TUBA3E: variants seen among roughly 807,000 people sequenced by gnomAD.
The protein encoded by TUBA3E is tubulin alpha 3e.
A neutral mutation model predicts 36.7 loss-of-function variants in TUBA3E; 21 were observed. The ratio of observed to expected loss-of-function variants is 0.57; its 90% CI spans 0.41 to 0.83. TUBA3E has a LOEUF of 0.83. Among genes scored for constraint, TUBA3E ranks in the 40% least tolerant of loss-of-function variants. The pLI is 0.00. For synonymous variants in TUBA3E, 177 were observed against 241.9 expected (o/e 0.73, Z 2.49); for missense variants, 469 against 604.2 (o/e 0.78, Z 2.35).
In TUBA3E at chr2:130,191,859, G is replaced by T; in HGVS notation, c.1325C>A (p.Ala442Asp). 1 of 1,611,418 alleles carries T rather than the reference G, an allele frequency of 6.2e-7. No homozygotes were observed. The highest frequency in any genetic ancestry group is 8.5e-7 in the Non-Finnish European group (1 of 1,178,744). The change falls in exon 5 of 5, where the codon GCT (alanine) becomes GAT (aspartate). Residue 442 changes from alanine (A) to aspartate (D), a missense_variant. By Grantham distance (126) the Ala-to-Asp change is moderately radical. Around this residue, in one of 3 missense-constraint regions of TUBA3E, gnomAD observed 296 missense variants for 346.9 expected, o/e 0.85. Transcript: ENST00000312988. ...GTATGCTTCGCCTTCTTCAGCCTCA[G>T]CTTCCACGGAATCCACGCCCACCTC... is the stretch of plus-strand genomic sequence containing the variant. ...CEEVGVDSVE[A>D]EAEEGEAY
At chr2:130,197,817 G>A (rs1240738757) in intron 1 of TUBA3E, among the ~76,000 whole-genome samples, 1 of 124,026 alleles carries the variant, frequency 8.1e-6, no homozygotes. Context: ...CATGTTGGTC[G>A]GGCTGATCTT....
At chr2:130,198,275 G>C in intron 1 of TUBA3E, 83 bp downstream of exon 1, 1 of 1,319,718 alleles carries the variant, frequency 7.6e-7, no homozygotes, top group South Asian at 1.4e-5. Context: ...CAGCGCCCAG[G>C]CCCGCAACAA....
Position 130,194,480 on chromosome 2 carries a change from G to T in TUBA3E, c.376-14C>A, listed in dbSNP as rs2463340. 9.7e-6 allele frequency: 14 copies of T among 1,443,302 alleles called. No homozygotes were observed. Among genetic ancestry groups the T allele is most frequent in the Non-Finnish European group, 1.3e-5 (14 of 1,069,312 alleles). The allele number at this position is 1,443,302 out of a possible 1,614,324, so 89.4% of individuals were successfully genotyped here. ...GCACAGATCCGCCTGAGAGAAACCA[G>T]ACAACGTGAGCCAATGCCCGTGGAA... On this transcript the variant is annotated splice_polypyrimidine_tract_variant and intron_variant, in intron 3 of 4. Coordinates refer to ENST00000312988, the MANE Select transcript of TUBA3E (RefSeq NM_207312.3).
Position 130,195,334 on chromosome 2 carries a change from A to G in TUBA3E, c.227-107T>C, listed in dbSNP as rs1690378673. On this transcript the variant is annotated intron_variant, in intron 2 of 4. Transcript: ENST00000312988. ...ACAGAGCACATGCTGTTCAAAGTAC[A>G]TGACCTACATGTCATAGGTCAACAG... 11 of 1,465,976 alleles carry G rather than the reference A, an allele frequency of 7.5e-6. No homozygotes were observed. In the South Asian group the frequency reaches 1.3e-4, roughly 17 times the overall value. 90.8% of individuals were successfully genotyped at this position (1,465,976 alleles called of 1,614,324 possible).
intron 4 of TUBA3E, among the ~76,000 whole-genome samples, chr2:130,192,439 T>G (rs1298560729): frequency 2.0e-5 from 3 of 152,210 alleles, no homozygotes; most frequent in Admixed American, 2.0e-4. Flanking sequence ...GCTGCTTGTC[T>G]TCTTTGTAGA....
chr2:130,193,429 C>T (rs564027213), intron 4 of TUBA3E, among the ~76,000 whole-genome samples: 2 of 150,602 alleles, frequency 1.3e-5, no homozygotes, highest in Non-Finnish European at 3.0e-5. Context: ...TCCAACATGG[C>T]GAAACCCCGT....
chr2:130,198,193 CTG>C lies in TUBA3E; in HGVS notation c.3+163_3+164del, dbSNP rs1273880735. 8.1e-5 allele frequency among the ~76,000 whole-genome samples: 10 copies of C among 123,904 alleles called. 2 individuals carry two copies. Among genetic ancestry groups the C allele is most frequent in the East Asian group, 2.6e-4 (1 of 3,830 alleles). 81.3% of individuals were successfully genotyped at this position (123,904 alleles called of 152,430 possible). A position where few individuals can be genotyped will look rare whatever the true frequency, so the allele number is the denominator to read the frequency against. On this transcript the variant is annotated intron_variant, in intron 1 of 4. Coordinates refer to ENST00000312988, the MANE Select transcript of TUBA3E (RefSeq NM_207312.3). ...AAAGCCGCCGTCCCTGCCCTGGGAC[CTG>C]CAGATCCAGGAAACGATCCCGTGTC...
chr2:130,197,492 C>CAAAAA (rs1202771961), intron 1 of TUBA3E, among the ~76,000 whole-genome samples: 5 of 44,166 alleles, frequency 1.1e-4, no homozygotes, highest in Non-Finnish European at 2.0e-4. Flanking sequence ...AGTGCTGTCT[C>CAAAAA]AAAAAAAAAA....
chr2:130,191,778 C>G lies in TUBA3E; in HGVS notation c.*53G>C, dbSNP rs143269025. 1.4e-3 allele frequency: 2,123 copies of G among 1,572,334 alleles called. 5 individuals are homozygous for G. Among genetic ancestry groups the G allele is most frequent in the Middle Eastern group, 2.2e-3 (13 of 5,820 alleles). ...ATACAGAATCTTTAATTGCAAACAA[C>G]TTGAAAGCAGCCATCCTAGGGGTGG... On this transcript the variant is annotated 3_prime_UTR_variant, in exon 5 of 5. Coordinates refer to ENST00000312988, the MANE Select transcript of TUBA3E (RefSeq NM_207312.3).
At chr2:130,193,181 G>C (rs1248627770) in intron 4 of TUBA3E, among the ~76,000 whole-genome samples, 1 of 151,962 alleles carries the variant, frequency 6.6e-6, no homozygotes, top group Non-Finnish European at 1.5e-5. Context: ...CTAGAGTCTG[G>C]GAGGCAGAGG....
At position 130,194,297 on chromosome 2, in the gene TUBA3E, A is replaced by G. The variant is rs200659693; in HGVS notation, c.545T>C (p.Val182Ala). 88 of 1,610,670 alleles carry G rather than the reference A, an allele frequency of 5.5e-5. No individual in the cohort carries two copies. The highest frequency in any genetic ancestry group is 7.0e-5 in the Non-Finnish European group (82 of 1,178,830). The stretch of plus-strand genomic sequence containing the variant: ...GGTTAGGATGGAGTTGTAGGGCTCC[A>G]CCACGGCTGTGGAGACCTGGGGGGC... ...YPAPQVSTAV[V>A]EPYNSILTTH... The change falls in exon 4 of 5, where the codon GTG (valine) becomes GCG (alanine). Residue 182 changes from valine to alanine, a missense_variant. Val to Ala is a moderately conservative substitution (Grantham distance 64, BLOSUM62 0). Transcript: ENST00000312988.
chr2:130,192,252 C>T (rs1160643853), intron 4 of TUBA3E, 125 bp from the exon 5 acceptor site: 13 of 1,327,364 alleles, frequency 9.8e-6, no homozygotes, highest in African/African-American at 3.0e-5. Context: ...ACCTCACAAA[C>T]GTCACTAAGC....
intron 1 of TUBA3E, among the ~76,000 whole-genome samples, chr2:130,196,734 A>G (rs1163228771): frequency 6.6e-6 from 1 of 152,242 alleles, no homozygotes; most frequent in Non-Finnish European, 1.5e-5. Context: ...TCAAAGGATA[A>G]GGTAGTCGGG....
chr2:130,193,214 T>C (rs1347084623), intron 4 of TUBA3E, among the ~76,000 whole-genome samples: 1 of 150,226 alleles, frequency 6.7e-6, no homozygotes, highest in East Asian at 2.0e-4. Flanking sequence ...AGGATCACAC[T>C]ACTACAGCCT....
rs769423615 is a variant in TUBA3E at position 130,191,907 on chromosome 2, G to T, written c.1277C>A (p.Ala426Glu). 8 of 1,613,942 alleles carry T rather than the reference G, an allele frequency of 5.0e-6. No homozygotes were observed. The highest frequency in any genetic ancestry group is 4.0e-5 in the African/African-American group (3 of 74,872). The change falls in exon 5 of 5, where the codon GCA (alanine) becomes GAA (glutamate). Residue 426 changes from alanine to glutamate, a missense_variant. Ala to Glu is a moderately radical substitution (Grantham distance 107). Transcript: ENST00000312988. ...GEFSEAREDL[A>E]ALEKDCEEVG... ...CTCTTCACAATCCTTCTCTAGAGCTGCCAGGTCCTCGCGGGCCTCAGAGAA... is the reference window on the plus strand; with the variant it reads ...CTCTTCACAATCCTTCTCTAGAGCTTCCAGGTCCTCGCGGGCCTCAGAGAA...
At chr2:130,194,710 C>T (rs1159915595) in intron 3 of TUBA3E, among the ~76,000 whole-genome samples, 1 of 152,080 alleles carries the variant, frequency 6.6e-6, no homozygotes, top group Non-Finnish European at 1.5e-5. Flanking sequence ...CGGAATCTTG[C>T]TCTGTTGCCC....
In TUBA3E at chr2:130,191,930, G is replaced by C. The variant is rs764319924; in HGVS notation, c.1254C>G (p.Phe418Leu). ...CTGCCAGGTCCTCGCGGGCCTCAGA[G>C]AACTCTCCCTCTTCCATGCCTTCGC... ...YVGEGMEEGE[F>L]SEAREDLAAL... Residue 418 changes from phenylalanine to leucine, a missense_variant, in exon 5 of 5, where the codon TTC becomes TTG. Coordinates refer to ENST00000312988, the MANE Select transcript of TUBA3E (RefSeq NM_207312.3). 3.8e-5 allele frequency: 62 copies of C among 1,613,924 alleles called. No homozygotes were observed. Among genetic ancestry groups the C allele is most frequent in the Non-Finnish European group, 3.5e-5 (41 of 1,180,022 alleles).
Position 130,194,006 on chromosome 2 carries a change from T to A in TUBA3E, c.836A>T (p.Glu279Val), listed in dbSNP as rs150405557. 2.7e-5 allele frequency: 43 copies of A among 1,613,988 alleles called. No homozygotes were observed. Among genetic ancestry groups the A allele is most frequent in the Non-Finnish European group, 3.5e-5 (41 of 1,180,000 alleles). Residue 279 changes from glutamate (E) to valine (V), a missense_variant, in exon 4 of 5, where the codon GAG (glutamate) becomes GTG (valine). Glu to Val is a moderately radical substitution (Grantham distance 121, BLOSUM62 -2). Transcript: ENST00000312988. ...AGACAGCTGCTCGTGGTAGGCCTTC[T>A]CAGCTGAGATGACTGGGGCGTAGGT... ...LATYAPVISA[E>V]KAYHEQLSVA... is the part of the protein sequence containing the mutation.
intron 4 of TUBA3E, among the ~76,000 whole-genome samples, 180 bp downstream of exon 4, chr2:130,193,606 C>CA (rs34918027): frequency 0.011 from 1,016 of 94,872 alleles, 5 homozygotes; most frequent in African/African-American, 0.02. Context: ...AAGACTGTCT[C>CA]AAAAAAAAAA....
Sources: gnomAD v4.1 joint callset for allele counts (sites outside exome capture counted in the v4.1 genomes callset) on GRCh38, gnomAD v4.1.1 for gene constraint, gnomAD v4.1.1 regional missense constraint, MANE v1.5 for transcripts, NCBI Gene and HGNC (gene_info 2026-07-23, HGNC 2026-07-21) for gene names.